NRXN3: variants seen among roughly 807,000 people sequenced by gnomAD.
NRXN3 encodes neurexin 3, also known as neurexin III.
Under a neutral mutation model 137.6 loss-of-function variants are expected in NRXN3, and 32 were observed. That is an observed-to-expected ratio of 0.23 (90% CI 0.18 to 0.31). The LOEUF (loss-of-function observed/expected upper bound fraction) is 0.31. Among genes scored for constraint, NRXN3 ranks in the 10% least tolerant of loss-of-function variants. The pLI is 1.00. For synonymous variants in NRXN3, 798 were observed against 784.5 expected, an observed-to-expected ratio of 1.02 and a Z score of -0.29; for missense variants, 1,574 against 2,062.5, an observed-to-expected ratio of 0.76 and a Z score of 4.59.
At chr14:79,398,601 TCTTGA>T (rs1392911110) in intron 15 of NRXN3, among the ~76,000 whole-genome samples, 2 of 152,000 alleles carry the variant, frequency 1.3e-5, no homozygotes, top group Non-Finnish European at 2.9e-5. Context: ...CTAGCAAAAC[TCTTGA>T]CTTTCTTCCT....
rs1310870488 is a variant in NRXN3, at chr14:79,486,036, T to TTAA, written c.3444+18637_3444+18639dup. On this transcript the variant is annotated intron_variant, in intron 16 of 20. Coordinates refer to ENST00000335750, the MANE Select transcript of NRXN3 (RefSeq NM_001330195.2). Reference sequence around the variant, plus strand: ...TGTATTATTGTTATTATTATTATTATTAATATTATCAGACCTGTCTTTGTG... The same window carrying TTAA: ...TGTATTATTGTTATTATTATTATTATTAATAATATTATCAGACCTGTCTTTGTG... Among the ~76,000 whole-genome samples the TTAA allele has an allele frequency of 3.3e-5, 5 of 152,138 alleles. No homozygotes were observed. The East Asian group carries it at 9.7e-4, about 29-fold the overall frequency.
chr14:78,753,871 C>G (rs553743604), intron 8 of NRXN3: 10 of 152,280 alleles, frequency 6.6e-5, no homozygotes, highest in African/African-American at 2.2e-4. Context: ...AGTCTTGTCA[C>G]CTTCTTCACT....
chr14:79,578,574 G>T (rs1383171986), intron 16 of NRXN3, among the ~76,000 whole-genome samples: 1 of 152,122 alleles, frequency 6.6e-6, no homozygotes, highest in Non-Finnish European at 1.5e-5. Context: ...ACTAAACAAA[G>T]ATGTGGCTCC....
chr14:78,374,093 A>G (rs2087363886), intron 4 of NRXN3, among the ~76,000 whole-genome samples: 1 of 152,320 alleles, frequency 6.6e-6, no homozygotes, highest in African/African-American at 2.4e-5. Context: ...AACACTTCCC[A>G]CATATAGATA....
chr14:79,256,947 C>A (rs12888606), intron 15 of NRXN3, among the ~76,000 whole-genome samples: 41,511 of 151,996 alleles, frequency 0.27, 6,852 homozygotes, highest in Admixed American at 0.44. Context: ...GGCTGCCTGA[C>A]TGATTATAGG....
At chr14:78,435,933 T>A in intron 4 of NRXN3, among the ~76,000 whole-genome samples, 1 of 152,162 alleles carries the variant, frequency 6.6e-6, no homozygotes, top group Non-Finnish European at 1.5e-5. Context: ...CCAAGGAGAA[T>A]TGCAAATCTT....
At chr14:79,702,307 C>T (rs1335504736) in intron 19 of NRXN3, among the ~76,000 whole-genome samples, 2 of 151,970 alleles carry the variant, frequency 1.3e-5, no homozygotes, top group Non-Finnish European at 2.9e-5. Context: ...GATTCCTTAC[C>T]ATCGTGGAAT....
intron 4 of NRXN3, among the ~76,000 whole-genome samples, chr14:78,584,475 G>C (rs1415490735): frequency 2.0e-5 from 3 of 151,886 alleles, no homozygotes; most frequent in Non-Finnish European, 4.4e-5. Flanking sequence ...GGTCCCAAAG[G>C]CTGAACATCA....
intron 15 of NRXN3, among the ~76,000 whole-genome samples, chr14:79,154,335 A>G (rs951042700): frequency 6.6e-6 from 1 of 152,000 alleles, no homozygotes; most frequent in African/African-American, 2.4e-5. Context: ...AGCTATTCAC[A>G]GAATTCAGTT....
At chr14:78,778,678 T>TTTTCTTTC (rs56391630) in intron 8 of NRXN3, among the ~76,000 whole-genome samples, 10,251 of 114,118 alleles carry the variant, frequency 0.09, 645 homozygotes, top group East Asian at 0.12. Context: ...TTCTCTTTTC[T>TTTTCTTTC]TTTCTTTCTT....
intron 4 of NRXN3, among the ~76,000 whole-genome samples, chr14:78,626,944 G>A (rs1158132779): frequency 6.6e-6 from 1 of 152,124 alleles, no homozygotes; most frequent in Non-Finnish European, 1.5e-5. Context: ...TACCAGCATG[G>A]CTCTCAGATT....
At chr14:79,147,940 G>A in intron 15 of NRXN3, among the ~76,000 whole-genome samples, 1 of 152,108 alleles carries the variant, frequency 6.6e-6, no homozygotes, top group East Asian at 1.9e-4. Flanking sequence ...GTAGGTGGAT[G>A]GGGAGGTCTT....
At chr14:79,284,976 C>T (rs1301324266) in intron 15 of NRXN3, among the ~76,000 whole-genome samples, 1 of 152,120 alleles carries the variant, frequency 6.6e-6, no homozygotes, top group African/African-American at 2.4e-5. Context: ...ATCTTTGGCT[C>T]CTCTAGATGC....
Position 79,546,533 on chromosome 14 carries a change from A to T in NRXN3, c.3444+79131A>T, listed in dbSNP as rs144486921. Reference sequence around the variant, plus strand: ...TTTCAAAGATGAACAAGTGACTTGTAAGTGTAAAGTGGTATGGCTGTTTTT... The same window carrying T: ...TTTCAAAGATGAACAAGTGACTTGTTAGTGTAAAGTGGTATGGCTGTTTTT... On this transcript the variant is annotated intron_variant, in intron 16 of 20. Transcript: ENST00000335750. 5.0e-3 allele frequency among the ~76,000 whole-genome samples: 759 copies of T among 152,298 alleles called. 8 individuals carry two copies. Among genetic ancestry groups the T allele is most frequent in the African/African-American group, 0.017 (722 of 41,572 alleles).
chr14:78,873,296 G>A (rs1239358585), intron 10 of NRXN3, among the ~76,000 whole-genome samples: 2 of 151,960 alleles, frequency 1.3e-5, no homozygotes, highest in Admixed American at 6.6e-5. Context: ...TTGCTACTGC[G>A]AACTATACAG....
At chr14:79,750,432 T>C (rs1809155339) in intron 19 of NRXN3, among the ~76,000 whole-genome samples, 1 of 152,186 alleles carries the variant, frequency 6.6e-6, no homozygotes, top group Non-Finnish European at 1.5e-5. Context: ...CCCATGCTGC[T>C]GCTGCCTTTG....
intron 1 of NRXN3, among the ~76,000 whole-genome samples, chr14:78,225,990 T>TTG (rs1355343203): frequency 6.8e-6 from 1 of 148,114 alleles, no homozygotes; most frequent in African/African-American, 2.5e-5. Flanking sequence ...TGTGTGTGTG[T>TTG]GTGTGTGTGT....
At chr14:78,592,121 T>A (rs1600980942) in intron 4 of NRXN3, among the ~76,000 whole-genome samples, 1 of 152,310 alleles carries the variant, frequency 6.6e-6, no homozygotes, top group Non-Finnish European at 1.5e-5. Context: ...AGGTAATAAA[T>A]GAAATTTAAA....
intron 16 of NRXN3, among the ~76,000 whole-genome samples, chr14:79,536,302 G>A (rs974273278): frequency 3.3e-5 from 5 of 152,064 alleles, no homozygotes; most frequent in Non-Finnish European, 7.4e-5. Context: ...ATTGCACCTT[G>A]CAAAAACTTG....
Sources: gnomAD v4.1 joint callset for allele counts (sites outside exome capture counted in the v4.1 genomes callset) on GRCh38, gnomAD v4.1.1 for gene constraint, MANE v1.5 for transcripts, NCBI Gene and HGNC (gene_info 2026-07-23, HGNC 2026-07-21) for gene names.